SYTL3: variants seen among roughly 807,000 people sequenced by gnomAD.
The protein encoded by SYTL3 is synaptotagmin like 3.
Under a neutral mutation model 82.1 loss-of-function variants are expected in SYTL3, and 88 were observed. The observed-to-expected ratio is 1.07, with a 90% CI of 0.90 to 1.28. SYTL3 has a LOEUF of 1.28. Among genes scored for constraint, SYTL3 ranks in the 50% most tolerant of loss-of-function variants. SYTL3 has a pLI of 0.00. For missense variants in SYTL3, 831 were observed against 757.6 expected (o/e 1.10, Z -1.14); for synonymous variants, 311 against 289.4 (o/e 1.07, Z -0.76).
intron 15 of SYTL3, among the ~76,000 whole-genome samples, chr6:158,761,489 A>T (rs1387210844): frequency 6.6e-6 from 1 of 150,492 alleles, no homozygotes; most frequent in Admixed American, 6.6e-5. Context: ...TTTTTTCTTT[A>T]AGTAGAGACA....
At chr6:158,646,152 G>C (rs1038011571), upstream of SYTL3, among the ~76,000 whole-genome samples, 1 of 151,986 alleles carries the variant, frequency 6.6e-6, no homozygotes, top group Non-Finnish European at 1.5e-5. Context: ...TTAGAGACAG[G>C]GTGTCATTCT....
chr6:158,673,308 G>A (rs926824173), intron 5 of SYTL3, among the ~76,000 whole-genome samples: 5 of 151,834 alleles, frequency 3.3e-5, no homozygotes, highest in African/African-American at 1.2e-4. Context: ...ATTAAGGGCC[G>A]TTCTTTTGAG....
intron 7 of SYTL3, 124 bp downstream of exon 7, chr6:158,707,405 T>G (rs1033571728): frequency 6.6e-5 from 49 of 746,262 alleles, no homozygotes; most frequent in Non-Finnish European, 9.8e-5. Context: ...ACTCTTTTTT[T>G]TTTTTTTCTT....
chr6:158,660,031 T>TG (rs1789175281), intron 2 of SYTL3, among the ~76,000 whole-genome samples: 1 of 152,032 alleles, frequency 6.6e-6, no homozygotes. Flanking sequence ...TCCCAACACT[T>TG]TGGGACGCCG....
Position 158,763,409 on chromosome 6 carries a change from C to A in SYTL3, c.1623C>A (p.Thr541=), listed in dbSNP as rs1790275940. The change falls in exon 17 of 18, where the codon ACC becomes ACA. Residue 541 remains threonine, a synonymous_variant. Coordinates refer to ENST00000611299, the MANE Select transcript of SYTL3 (RefSeq NM_001242394.2). ...WKHSFVFSGV[T]PAQLRQSSLE... ...ACTCATTTGTCTTCAGTGGCGTAAC[C>A]CCAGCTCAGCTGAGGCAGTCAAGCT... 1.9e-6 allele frequency: 3 copies of A among 1,614,178 alleles called. No homozygotes were observed. The highest frequency in any genetic ancestry group is 1.7e-6 in the Non-Finnish European group (2 of 1,180,028).
intron 9 of SYTL3, among the ~76,000 whole-genome samples, chr6:158,715,775 C>A (rs1318300799): frequency 6.6e-6 from 1 of 151,998 alleles, no homozygotes; most frequent in Non-Finnish European, 1.5e-5. Flanking sequence ...CACGTGACCA[C>A]ACACACGCCC....
chr6:158,704,266 G>A (rs1344305893), intron 6 of SYTL3, among the ~76,000 whole-genome samples: 1 of 152,248 alleles, frequency 6.6e-6, no homozygotes, highest in East Asian at 1.9e-4. Context: ...GTCATAGGGC[G>A]GAATTGAGCA....
intron 2 of SYTL3, among the ~76,000 whole-genome samples, chr6:158,653,834 G>A (rs56887882): frequency 0.019 from 2,890 of 152,298 alleles, 95 homozygotes; most frequent in African/African-American, 0.064. Context: ...CTCTGGTGAC[G>A]TTTCCCCCGT....
At chr6:158,727,277 G>T (rs1784849205) in intron 11 of SYTL3, among the ~76,000 whole-genome samples, 1 of 151,536 alleles carries the variant, frequency 6.6e-6, no homozygotes, top group African/African-American at 2.4e-5. Context: ...CAGTTCAAAT[G>T]ATGGTCATGC....
At chr6:158,721,687 C>T (rs1296353259) in intron 10 of SYTL3, among the ~76,000 whole-genome samples, 2 of 151,908 alleles carry the variant, frequency 1.3e-5, no homozygotes, top group Admixed American at 6.6e-5. Context: ...GGCTGGAGTA[C>T]GATGGCACAA....
At chr6:158,760,928 A>G (rs1242949591) in intron 15 of SYTL3, among the ~76,000 whole-genome samples, 183 bp downstream of exon 15, 1 of 152,144 alleles carries the variant, frequency 6.6e-6, no homozygotes, top group Non-Finnish European at 1.5e-5. Flanking sequence ...TGGAGCCCGT[A>G]GTGGGGGAAA....
In SYTL3 at chr6:158,725,572, T is replaced by C; in HGVS notation, c.790T>C (p.Leu264=). ...EDPKCSTNPI[L]KQQNLPSSPA... is the part of the protein sequence containing the mutation. ...TCCCAAATGCTCTACTAACCCTATTTTGAAGCAACAGAATCTCCCATCCAG... is the reference window on the plus strand; with the variant it reads ...TCCCAAATGCTCTACTAACCCTATTCTGAAGCAACAGAATCTCCCATCCAG... Residue 264 remains leucine (L), a synonymous_variant, in exon 11 of 18, where the codon TTG becomes CTG. Coordinates refer to ENST00000611299, the MANE Select transcript of SYTL3 (RefSeq NM_001242394.2). 1 of 1,614,216 alleles carries C rather than the reference T, an allele frequency of 6.2e-7. No individual in the cohort carries two copies. Among genetic ancestry groups the C allele is most frequent in the Non-Finnish European group, 8.5e-7 (1 of 1,180,040 alleles).
chr6:158,667,724 A>G (rs1562353094), intron 5 of SYTL3, among the ~76,000 whole-genome samples: 1 of 152,242 alleles, frequency 6.6e-6, no homozygotes, highest in South Asian at 2.1e-4. Flanking sequence ...TTTAAAATCA[A>G]GAAAGGGGAA....
chr6:158,683,807 A>G (rs1338570790), intron 6 of SYTL3, among the ~76,000 whole-genome samples: 1 of 152,250 alleles, frequency 6.6e-6, no homozygotes, highest in East Asian at 1.9e-4. Context: ...CAGTGAGTGA[A>G]GAGCGTTTGA....
intron 8 of SYTL3, among the ~76,000 whole-genome samples, chr6:158,708,973 C>T (rs1030725408): frequency 2.0e-5 from 3 of 152,164 alleles, no homozygotes; most frequent in African/African-American, 7.2e-5. Context: ...TAGCTAGGCG[C>T]GGTGGCTCAC....
At chr6:158,764,214 G>A (rs1037981037) in intron 17 of SYTL3, among the ~76,000 whole-genome samples, 3 of 152,204 alleles carry the variant, frequency 2.0e-5, no homozygotes. Flanking sequence ...CTCCCTTGGT[G>A]AAGACCCAGC....
At chr6:158,698,791 A>G (rs550410833) in intron 6 of SYTL3, among the ~76,000 whole-genome samples, 5 of 151,098 alleles carry the variant, frequency 3.3e-5, no homozygotes, top group Admixed American at 2.6e-4. Flanking sequence ...CAAGATCCAT[A>G]TATTATGACA....
upstream of SYTL3, among the ~76,000 whole-genome samples, chr6:158,647,979 C>T (rs1215781422): frequency 1.3e-5 from 2 of 152,196 alleles, no homozygotes; most frequent in Non-Finnish European, 2.9e-5. Flanking sequence ...TGAACTGTCA[C>T]ATCAATAAAT....
chr6:158,682,711 A>G (rs1583219051), intron 5 of SYTL3, among the ~76,000 whole-genome samples: 1 of 152,280 alleles, frequency 6.6e-6, no homozygotes, highest in East Asian at 1.9e-4. Flanking sequence ...GATAAAACAC[A>G]TAGCGGTGGG....
Sources: allele counts gnomAD v4.1 joint callset (sites outside exome capture counted in the v4.1 genomes callset), GRCh38; gene constraint gnomAD v4.1.1; transcripts MANE v1.5; gene names NCBI Gene and HGNC (gene_info 2026-07-23, HGNC 2026-07-21).